Variants in EVA1C observed in about 807,000 individuals in gnomAD.
EVA1C encodes eva-1 homolog C.
A neutral mutation model predicts 45.4 loss-of-function variants in EVA1C; 25 were observed. The observed-to-expected ratio is 0.55, with a 90% CI of 0.40 to 0.77. EVA1C has a LOEUF of 0.77. Among genes scored for constraint, EVA1C ranks in the 30% least tolerant of loss-of-function variants. The pLI, the probability that EVA1C is intolerant of heterozygous loss-of-function variation, is 0.00. For synonymous variants in EVA1C, 190 were observed against 221.2 expected (o/e 0.86, Z 1.25); for missense variants, 479 against 554.8 (o/e 0.86, Z 1.37).
intron 1 of EVA1C, among the ~76,000 whole-genome samples, chr21:32,430,323 C>G (rs1324180248): frequency 2.0e-5 from 3 of 152,008 alleles, no homozygotes; most frequent in Admixed American, 1.3e-4. Context: ...GCCAGGGGTG[C>G]AAGGAGTCAC....
chr21:32,438,570 G>T (rs1266565708), intron 1 of EVA1C, among the ~76,000 whole-genome samples: 1 of 151,942 alleles, frequency 6.6e-6, no homozygotes, highest in Non-Finnish European at 1.5e-5. Context: ...AAAGGCAGAG[G>T]TTCCTCGATG....
At chr21:32,489,944 G>T (rs138933013) in intron 4 of EVA1C, among the ~76,000 whole-genome samples, 1 of 152,080 alleles carries the variant, frequency 6.6e-6, no homozygotes, top group Non-Finnish European at 1.5e-5. Flanking sequence ...TGGGATTACA[G>T]GCGTGTGCCA....
intron 1 of EVA1C, among the ~76,000 whole-genome samples, chr21:32,433,601 C>T (rs748988316): frequency 1.1e-4 from 17 of 152,256 alleles, no homozygotes; most frequent in Admixed American, 2.0e-4. Flanking sequence ...TCCCCACCCT[C>T]AGGTTGTCCC....
chr21:32,455,407 A>C (rs2035742608), intron 2 of EVA1C, among the ~76,000 whole-genome samples: 1 of 152,154 alleles, frequency 6.6e-6, no homozygotes. Context: ...ACCTGTTAAC[A>C]CTGTTACTGT....
At chr21:32,470,666 C>T (rs1270482641) in intron 4 of EVA1C, among the ~76,000 whole-genome samples, 1 of 152,186 alleles carries the variant, frequency 6.6e-6, no homozygotes, top group Non-Finnish European at 1.5e-5. Flanking sequence ...GGAAAGGGAC[C>T]ATTGCTGGGC....
chr21:32,463,595 A>G (rs992202284), intron 3 of EVA1C, among the ~76,000 whole-genome samples: 1 of 152,210 alleles, frequency 6.6e-6, no homozygotes, highest in African/African-American at 2.4e-5. Context: ...TGGGGACGAA[A>G]TCGCTGGAGG....
intron 1 of EVA1C, among the ~76,000 whole-genome samples, chr21:32,440,338 C>T (rs184906559): frequency 2.2e-4 from 33 of 152,240 alleles, no homozygotes; most frequent in African/African-American, 6.3e-4. Context: ...AAAATTGTTC[C>T]GTTTAGTTGC....
In EVA1C at chr21:32,448,977, A is replaced by AAGAG. The variant is rs1286385649; in HGVS notation, c.161-4332_161-4331insGAGA. The stretch of plus-strand genomic sequence containing the variant: ...AAGAAAAGAGAAAGAAAAAGAAAGA[A>AAGAG]AGAAAGAGAGAAAGAAAGAAAGGAG... On this transcript the variant is annotated intron_variant, in intron 1 of 7. Coordinates refer to ENST00000300255, the MANE Select transcript of EVA1C (RefSeq NM_058187.5). Among the ~76,000 whole-genome samples, 21 of 151,364 alleles carry AAGAG rather than the reference A, an allele frequency of 1.4e-4. 1 individual carries two copies. Among genetic ancestry groups the AAGAG allele is most frequent in the African/African-American group, 4.9e-4 (20 of 41,060 alleles).
chr21:32,449,570 A>C (rs1387550483), intron 1 of EVA1C, among the ~76,000 whole-genome samples: 1 of 151,474 alleles, frequency 6.6e-6, no homozygotes, highest in Non-Finnish European at 1.5e-5. Context: ...AGTGCTAAAT[A>C]ACATTCCATT....
chr21:32,513,169 A>G (rs1355508284), intron 7 of EVA1C, among the ~76,000 whole-genome samples: 2 of 148,748 alleles, frequency 1.3e-5, no homozygotes, highest in Non-Finnish European at 3.0e-5. Flanking sequence ...TTACTATATT[A>G]TTTTATTTTA....
At chr21:32,412,493 C>A (rs2033856428), upstream of EVA1C, 1 of 194,192 alleles carries the variant, frequency 5.1e-6, no homozygotes, top group Non-Finnish European at 1.0e-5. Flanking sequence ...GGGGCGCCCT[C>A]CGCGGTGGGC....
intron 4 of EVA1C, among the ~76,000 whole-genome samples, chr21:32,481,714 G>A (rs142200694): frequency 1.7e-3 from 264 of 152,134 alleles, no homozygotes; most frequent in African/African-American, 5.9e-3. Context: ...AAGATCATTC[G>A]ATACTTTCAT....
In EVA1C at chr21:32,514,254, A is replaced by T. The variant is rs566379412; in HGVS notation, c.950-560A>T. Reference sequence around the variant, plus strand: ...ACTTTTTAATCTGAAAAAGGACAGAATTAAGTTTTGCTAACATCTATTATA... The same window carrying T: ...ACTTTTTAATCTGAAAAAGGACAGATTTAAGTTTTGCTAACATCTATTATA... On this transcript the variant is annotated intron_variant, in intron 7 of 7. Transcript: ENST00000300255. Among the ~76,000 whole-genome samples the T allele has an allele frequency of 4.0e-4, 61 of 152,360 alleles. 1 individual carries two copies. Among genetic ancestry groups the T allele is most frequent in the African/African-American group, 1.5e-3 (61 of 41,590 alleles).
chr21:32,480,123 T>C (rs2833847), intron 4 of EVA1C, among the ~76,000 whole-genome samples: 33,147 of 151,788 alleles, frequency 0.22, 4,119 homozygotes, highest in African/African-American at 0.33. Flanking sequence ...GCACTGCTTA[T>C]AATATTAAAA....
chr21:32,459,757 T>G (rs2035928381), intron 3 of EVA1C, among the ~76,000 whole-genome samples: 1 of 151,286 alleles, frequency 6.6e-6, no homozygotes, highest in Admixed American at 6.6e-5. Context: ...AGGAGAATCG[T>G]TTGAACCCAG....
At chr21:32,465,931 G>A (rs2036155864) in intron 3 of EVA1C, among the ~76,000 whole-genome samples, 1 of 152,188 alleles carries the variant, frequency 6.6e-6, no homozygotes, top group South Asian at 2.1e-4. Context: ...CCACAGTCCA[G>A]CATGGGACAT....
In EVA1C at chr21:32,474,965, A is replaced by G. The variant is rs2036502609; in HGVS notation, c.634+7117A>G. Among the ~76,000 whole-genome samples, 1 of 152,122 alleles carries G rather than the reference A, an allele frequency of 6.6e-6. No homozygotes were observed. Among genetic ancestry groups the G allele is most frequent in the Non-Finnish European group, 1.5e-5 (1 of 68,016 alleles). ...TCTCTGCTCTGTGCTCCCATTTACT[A>G]CTGCAGCTCAGCCTCGCTGCTTTCA... On this transcript the variant is annotated intron_variant, in intron 4 of 7. Coordinates refer to ENST00000300255, the MANE Select transcript of EVA1C (RefSeq NM_058187.5). This position sits in a 1 kb window ranked among gnomAD's most constrained non-coding sequence, Gnocchi z 4.4.
chr21:32,508,312 T>C (rs2037841636), intron 7 of EVA1C, among the ~76,000 whole-genome samples: 2 of 152,182 alleles, frequency 1.3e-5, no homozygotes, highest in African/African-American at 2.4e-5. Flanking sequence ...GTGACAGATA[T>C]GTCATCAGCC....
At chr21:32,436,544 G>A (rs1601251237) in intron 1 of EVA1C, among the ~76,000 whole-genome samples, 1 of 152,302 alleles carries the variant, frequency 6.6e-6, no homozygotes, top group East Asian at 1.9e-4. Flanking sequence ...CAGATGAGTA[G>A]AAAAGGCTGG....
Sources: allele counts gnomAD v4.1 joint callset (sites outside exome capture counted in the v4.1 genomes callset), GRCh38; gene constraint gnomAD v4.1.1; non-coding constraint Gnocchi (gnomAD v3.1); transcripts MANE v1.5; gene names NCBI Gene and HGNC (gene_info 2026-07-23, HGNC 2026-07-21).